Variants in CNGA2 observed in about 807,000 individuals in gnomAD.
CNGA2 encodes cyclic nucleotide-gated channel alpha-2.
CNGA2 carries 22 observed loss-of-function variants against 35.9 expected under a neutral mutation model. The ratio of observed to expected loss-of-function variants is 0.61; its 90% CI spans 0.44 to 0.88. CNGA2 has a LOEUF of 0.88. CNGA2 is among the 40% of genes least tolerant of loss of function. CNGA2 has a pLI of 0.00. For missense variants in CNGA2, 555 were observed against 530.8 expected (o/e 1.05, Z -0.45); for synonymous variants, 217 against 209.2 (o/e 1.04, Z -0.32).
intron 5 of CNGA2, among the ~76,000 whole-genome samples, chrX:151,741,475 G>A (rs1460132545): frequency 8.9e-6 from 1 of 112,196 alleles, no homozygotes; most frequent in East Asian, 2.8e-4. Flanking sequence ...CATTCATTCA[G>A]CAAGGATTTG....
At chrX:151,737,905 C>A (rs1410104979) in intron 1 of CNGA2, among the ~76,000 whole-genome samples, 1 of 106,958 alleles carries the variant, frequency 9.3e-6, no homozygotes, top group Non-Finnish European at 1.9e-5. Context: ...CTCTCTACCC[C>A]ACACCTCCCC....
At position 151,740,813 on chromosome X, in the gene CNGA2, G is replaced by T. The variant is rs143283368; in HGVS notation, c.394G>T (p.Val132Phe). Residue 132 changes from valine to phenylalanine, a missense_variant, in exon 5 of 7, where the codon GTC (valine) becomes TTC (phenylalanine). Coordinates refer to ENST00000329903, the MANE Select transcript of CNGA2 (RefSeq NM_005140.3). ...KGTKKKFELF[V>F]LDPAGDWYYC... ...TCTCAGGAAGAAATTTGAACTATTT[G>T]TCTTGGACCCAGCTGGGGATTGGTA... 159 of 1,208,201 alleles carry T rather than the reference G, an allele frequency of 1.3e-4. No homozygotes were observed. The highest frequency in any genetic ancestry group is 1.7e-4 in the Non-Finnish European group (153 of 893,432).
intron 5 of CNGA2, among the ~76,000 whole-genome samples, chrX:151,741,610 T>C (rs2015305667): frequency 8.9e-6 from 1 of 112,081 alleles, no homozygotes. Flanking sequence ...ATGAAACAAA[T>C]GACCAGAATG....
Position 151,738,793 on chromosome X carries a change from C to A in CNGA2, c.117C>A (p.His39Gln). 8.6e-7 allele frequency: 1 copy of A among 1,169,436 alleles called. No individual in the cohort carries two copies. The highest frequency in any genetic ancestry group is 1.1e-6 in the Non-Finnish European group (1 of 872,847). ...KDDHRTSSRP[H>Q]SAADDDTSSE... ...TCTGCTCTTTTTTCTGCAGGCCACA[C>A]TCTGCAGCTGACGATGACACCTCCT... Residue 39 changes from histidine to glutamine, a missense_variant, in exon 3 of 7, where the codon CAC becomes CAA. His to Gln is a conservative substitution (Grantham distance 24, BLOSUM62 0). Coordinates refer to ENST00000329903, the MANE Select transcript of CNGA2 (RefSeq NM_005140.3).
intron 5 of CNGA2, 84 bp downstream of exon 5, chrX:151,740,985 A>T (rs1208991893): frequency 1.6e-6 from 1 of 641,191 alleles, no homozygotes; most frequent in Non-Finnish European, 2.6e-6. Flanking sequence ...GTCCCTGGAT[A>T]CCAATGGCAC....
Position 151,743,826 on chromosome X carries a change from C to T in CNGA2, c.1323C>T (p.Ala441=), listed in dbSNP as rs2015343582. 8.3e-7 allele frequency: 1 copy of T among 1,211,615 alleles called. No individual in the cohort carries two copies. The highest frequency in any genetic ancestry group is 1.7e-5 in the African/African-American group (1 of 57,724). ...CAGCCAAGCTCAGGGCTGAGATAGC[C>T]ATCAATGTCCACTTGTCCACACTCA... is the stretch of plus-strand genomic sequence containing the variant. ...NLPAKLRAEI[A]INVHLSTLKK... The change falls in exon 7 of 7, where the codon GCC becomes GCT. Residue 441 remains alanine, a synonymous_variant. Coordinates refer to ENST00000329903, the MANE Select transcript of CNGA2 (RefSeq NM_005140.3).
At chrX:151,736,222 C>T (rs1445925082) in intron 1 of CNGA2, among the ~76,000 whole-genome samples, 1 of 111,581 alleles carries the variant, frequency 9.0e-6, no homozygotes, top group East Asian at 2.8e-4. Flanking sequence ...TGGACACATC[C>T]CCCTGAGAGC....
chrX:151,740,411 G>C (rs2015292573), intron 4 of CNGA2, among the ~76,000 whole-genome samples: 1 of 112,390 alleles, frequency 8.9e-6, no homozygotes, highest in African/African-American at 3.2e-5. Flanking sequence ...CCTCTCTCTA[G>C]GGAGGGATGT....
Position 151,736,912 on chromosome X carries a change from C to T in CNGA2, c.-26-1546C>T, listed in dbSNP as rs187726989. On this transcript the variant is annotated intron_variant, in intron 1 of 6. Transcript: ENST00000329903. ...CCTGAAACTCTGGTGCGAATGGCTC[C>T]GGCTTTGTTTGCATTGCCTGAAACT... is the stretch of plus-strand genomic sequence containing the variant. Among the ~76,000 whole-genome samples, 80 of 111,787 alleles carry T rather than the reference C, an allele frequency of 7.2e-4. 1 individual carries two copies. The highest frequency in any genetic ancestry group is 2.5e-3 in the African/African-American group (78 of 30,779).
chrX:151,740,714 C>T lies in CNGA2; in HGVS notation c.375-80C>T. The T allele has an allele frequency of 3.8e-6, 3 of 786,928 alleles. No homozygotes were observed. In the South Asian group the frequency reaches 6.5e-5, roughly 17 times the overall value. The allele number at this position is 786,928 out of a possible 1,213,427, so 64.9% of individuals were successfully genotyped here. Reference sequence around the variant, plus strand: ...TCGGCAGTGCTTTTGCTTTCTCAGGCACTTCTGGTTTCTGGGAGCTGGGGT... The same window carrying T: ...TCGGCAGTGCTTTTGCTTTCTCAGGTACTTCTGGTTTCTGGGAGCTGGGGT... On this transcript the variant is annotated intron_variant, in intron 4 of 6. Coordinates refer to ENST00000329903, the MANE Select transcript of CNGA2 (RefSeq NM_005140.3).
chrX:151,738,848 G>A lies in CNGA2; in HGVS notation c.172G>A (p.Ala58Thr). ...ACTGCAGAGGCTGGCAGACGTGGAT[G>A]CCCCACAGCAGGGAAGGAGTGGCTT... ...SELQRLADVD[A>T]PQQGRSGFRR... Residue 58 changes from alanine to threonine, a missense_variant, in exon 3 of 7, where the codon GCC becomes ACC. Ala to Thr is a moderately conservative substitution (Grantham distance 58). Coordinates refer to ENST00000329903, the MANE Select transcript of CNGA2 (RefSeq NM_005140.3). The A allele has an allele frequency of 8.5e-7, 1 of 1,176,923 alleles. No homozygotes were observed. The highest frequency in any genetic ancestry group is 1.1e-6 in the Non-Finnish European group (1 of 877,632).
intron 5 of CNGA2, 123 bp from the exon 6 acceptor site, chrX:151,742,413 C>T: frequency 2.0e-6 from 1 of 489,674 alleles, no homozygotes. Flanking sequence ...ATCAGGCTGA[C>T]TGTGACTAAA....
At chrX:151,734,989 G>A (rs927919615) in intron 1 of CNGA2, among the ~76,000 whole-genome samples, 46 bp downstream of exon 1, 1 of 111,512 alleles carries the variant, frequency 9.0e-6, no homozygotes, top group Non-Finnish European at 1.9e-5. Context: ...TGAATGAATG[G>A]GCCATGAACT....
In CNGA2 at chrX:151,744,239, T is replaced by C. The variant is rs761863203; in HGVS notation, c.1736T>C (p.Met579Thr). 1.7e-6 allele frequency: 2 copies of C among 1,210,353 alleles called. No individual in the cohort carries two copies. Among genetic ancestry groups the C allele is most frequent in the East Asian group, 5.9e-5 (2 of 33,753 alleles). The change falls in exon 7 of 7, where the codon ATG (methionine) becomes ACG (threonine). Residue 579 changes from methionine to threonine, a missense_variant. Coordinates refer to ENST00000329903, the MANE Select transcript of CNGA2 (RefSeq NM_005140.3). ...VLEERGREIL[M>T]KEGLLDENEV... ...GAAGAGAGGGGTCGGGAGATCCTCA[T>C]GAAGGAGGGACTGCTGGATGAGAAC...
At chrX:151,740,693 C>T in intron 4 of CNGA2, 101 bp from the exon 5 acceptor site, 1 of 638,712 alleles carries the variant, frequency 1.6e-6, no homozygotes, top group Non-Finnish European at 2.6e-6. Context: ...TACCCTTCGG[C>T]AGTGCTTTTG....
At chrX:151,740,599 C>T (rs536633709) in intron 4 of CNGA2, among the ~76,000 whole-genome samples, 195 bp from the exon 5 acceptor site, 3 of 112,381 alleles carry the variant, frequency 2.7e-5, no homozygotes, top group Non-Finnish European at 3.8e-5. Flanking sequence ...CCCCGCCCAT[C>T]TGAGTTCCAC....
At chrX:151,738,964 C>T in intron 3 of CNGA2, 85 bp downstream of exon 3, 1 of 725,249 alleles carries the variant, frequency 1.4e-6, no homozygotes, top group East Asian at 3.6e-5. Context: ...TCTTCACGGT[C>T]CCACCAGTCC....
In CNGA2 at chrX:151,744,099, G is replaced by A. The variant is rs762773972; in HGVS notation, c.1596G>A (p.Met532Ile). The change falls in exon 7 of 7, where the codon ATG becomes ATA. Residue 532 changes from methionine (M) to isoleucine (I), a missense_variant. Transcript: ENST00000329903. The stretch of plus-strand genomic sequence containing the variant: ...TCCTTAACATTAAGGGCAGTAAAAT[G>A]GGCAATCGACGCACAGCTAATATCC... Reference protein sequence around the residue: ...ISILNIKGSKMGNRRTANIRS... With the variant: ...ISILNIKGSKIGNRRTANIRS... 21 of 1,208,594 alleles carry A rather than the reference G, an allele frequency of 1.7e-5. No homozygotes were observed. The highest frequency in any genetic ancestry group is 3.5e-5 in the South Asian group (2 of 56,618).
rs1301502750 is a variant in CNGA2, at chrX:151,743,818, G to A, written c.1315G>A (p.Glu439Lys). The A allele has an allele frequency of 8.3e-7, 1 of 1,209,953 alleles. No individual in the cohort carries two copies. The highest frequency in any genetic ancestry group is 1.1e-6 in the Non-Finnish European group (1 of 895,292). The change falls in exon 7 of 7, where the codon GAG (glutamate) becomes AAG (lysine). Residue 439 changes from glutamate to lysine, a missense_variant. Transcript: ENST00000329903. Reference protein sequence around the residue: ...LKNLPAKLRAEIAINVHLSTL... With the variant: ...LKNLPAKLRAKIAINVHLSTL... The stretch of plus-strand genomic sequence containing the variant: ...GAATCTGCCAGCCAAGCTCAGGGCT[G>A]AGATAGCCATCAATGTCCACTTGTC...
Sources: gnomAD v4.1 joint callset for allele counts (sites outside exome capture counted in the v4.1 genomes callset) on GRCh38, gnomAD v4.1.1 for gene constraint, MANE v1.5 for transcripts, NCBI Gene and HGNC (gene_info 2026-07-23, HGNC 2026-07-21) for gene names.